RANBP2: variants seen among roughly 807,000 people sequenced by gnomAD.
The protein encoded by RANBP2 is E3 SUMO-protein ligase RanBP2.
A neutral mutation model predicts 303.6 loss-of-function variants in RANBP2; 57 were observed. The observed-to-expected ratio is 0.19, with a 90% CI of 0.15 to 0.23. The LOEUF (loss-of-function observed/expected upper bound fraction) is 0.23, where lower values mean the gene tolerates loss of function less well. Among genes scored for constraint, RANBP2 ranks in the 10% least tolerant of loss-of-function variants. The probability of loss-of-function intolerance (pLI) is 1.00; values close to 1 mark genes in which losing one functional copy is unlikely to be tolerated. For synonymous variants in RANBP2, 1,167 were observed against 1,301.5 expected, an observed-to-expected ratio of 0.90 and a Z score of 2.23; for missense variants, 3,138 against 3,780.8, an observed-to-expected ratio of 0.83 and a Z score of 4.46.
At chr2:108,927,974 C>T in the RANBP2 span, among the ~76,000 whole-genome samples, 1 of 152,090 alleles carries the variant, frequency 6.6e-6, no homozygotes, top group Non-Finnish European at 1.5e-5. Flanking sequence ...TCAGATTCTT[C>T]CTCTCCTCCA....
At chr2:108,997,274 T>A in the RANBP2 span, among the ~76,000 whole-genome samples, 24 of 151,834 alleles carry the variant, frequency 1.6e-4, no homozygotes, top group East Asian at 4.5e-3. Context: ...ACCCCGTCTC[T>A]ACTAAAAATA....
At chr2:109,011,339 G>C in the RANBP2 span, among the ~76,000 whole-genome samples, 1 of 152,088 alleles carries the variant, frequency 6.6e-6, no homozygotes, top group Non-Finnish European at 1.5e-5. Flanking sequence ...AGTTTGGATG[G>C]GCATAAAATT....
chr2:108,778,981 T>G (rs1260560373), intron 25 of RANBP2, among the ~76,000 whole-genome samples: 1 of 152,110 alleles, frequency 6.6e-6, no homozygotes, highest in African/African-American at 2.4e-5. Context: ...CCTGCCACCT[T>G]GGCCTTGCAC....
At chr2:108,722,850 C>T (rs1293312939) in intron 1 of RANBP2, among the ~76,000 whole-genome samples, 1 of 151,512 alleles carries the variant, frequency 6.6e-6, no homozygotes, top group African/African-American at 2.4e-5. Context: ...GAGATTGCAC[C>T]ACTGCACTCC....
the RANBP2 span, among the ~76,000 whole-genome samples, chr2:109,011,846 TAGTG>T: frequency 1.3e-5 from 2 of 152,052 alleles, no homozygotes; most frequent in East Asian, 1.9e-4. Flanking sequence ...TCCTTGAAAA[TAGTG>T]AGTGTGCATG....
the RANBP2 span, among the ~76,000 whole-genome samples, chr2:109,573,693 A>G: frequency 2.0e-4 from 30 of 152,368 alleles, no homozygotes; most frequent in Admixed American, 3.3e-4. Flanking sequence ...TTCATTTCGC[A>G]TACCATTTGA....
At chr2:109,552,217 G>A in the RANBP2 span, among the ~76,000 whole-genome samples, 1 of 152,200 alleles carries the variant, frequency 6.6e-6, no homozygotes, top group South Asian at 2.1e-4. Context: ...TGGAAAAACT[G>A]TCTTCCAGGA....
the RANBP2 span, among the ~76,000 whole-genome samples, chr2:109,529,694 G>A: frequency 2.5e-4 from 38 of 152,332 alleles, no homozygotes; most frequent in African/African-American, 9.1e-4. Context: ...GGGCGGCTGG[G>A]CAGGAAGGGA....
the RANBP2 span, among the ~76,000 whole-genome samples, chr2:109,652,086 T>C: frequency 6.6e-6 from 1 of 152,202 alleles, no homozygotes; most frequent in Non-Finnish European, 1.5e-5. Flanking sequence ...CGGTAGTGGG[T>C]TGCTTACATG....
chr2:109,137,629 A>G, the RANBP2 span, among the ~76,000 whole-genome samples: 1 of 152,234 alleles, frequency 6.6e-6, no homozygotes, highest in Non-Finnish European at 1.5e-5. Flanking sequence ...GGGTGACTGC[A>G]TTCCATTTGT....
the RANBP2 span, among the ~76,000 whole-genome samples, chr2:109,386,390 G>T: frequency 6.6e-6 from 1 of 152,144 alleles, no homozygotes; most frequent in East Asian, 1.9e-4. Context: ...AACACCAGGG[G>T]GCCGCTATGA....
At chr2:109,574,962 A>G in the RANBP2 span, among the ~76,000 whole-genome samples, 1 of 152,352 alleles carries the variant, frequency 6.6e-6, no homozygotes, top group Non-Finnish European at 1.5e-5. Context: ...TCAACTTACA[A>G]TGGGGTTATA....
Position 108,766,561 on chromosome 2 carries a change from A to G in RANBP2, c.6022A>G (p.Ser2008Gly), listed in dbSNP as rs1367537132. 1 of 1,611,898 alleles carries G rather than the reference A, an allele frequency of 6.2e-7. No homozygotes were observed. The highest frequency in any genetic ancestry group is 1.3e-5 in the African/African-American group (1 of 74,862). ...KDDDAYKTEDSDDIHFEPVVQ... is the reference protein window; with the variant it reads ...KDDDAYKTEDGDDIHFEPVVQ... ...TGATGATGCCTATAAGACTGAGGAC[A>G]GCGATGACATCCATTTTGAACCAGT... Residue 2008 changes from serine (S) to glycine (G), a missense_variant, in exon 20 of 29, where the codon AGC (serine) becomes GGC (glycine). Physicochemically the swap from Ser to Gly is moderately conservative, Grantham distance 56 (BLOSUM62 0). Transcript: ENST00000283195.
the RANBP2 span, among the ~76,000 whole-genome samples, chr2:109,216,444 G>A: frequency 6.6e-6 from 1 of 152,228 alleles, no homozygotes; most frequent in African/African-American, 2.4e-5. Context: ...GTCCAGGGGA[G>A]TTGGTCACTT....
At chr2:108,912,135 C>T in the RANBP2 span, among the ~76,000 whole-genome samples, 25 of 152,138 alleles carry the variant, frequency 1.6e-4, no homozygotes, top group East Asian at 2.1e-3. Context: ...GACCTGGGCC[C>T]GAAACATGCT....
At chr2:109,672,580 G>A in the RANBP2 span, among the ~76,000 whole-genome samples, 5 of 152,106 alleles carry the variant, frequency 3.3e-5, no homozygotes, top group Non-Finnish European at 5.9e-5. Context: ...CTAGTGTTAC[G>A]TATTATTACC....
the RANBP2 span, among the ~76,000 whole-genome samples, chr2:109,158,343 A>G: frequency 2.3e-3 from 348 of 152,294 alleles, 1 homozygote; most frequent in African/African-American, 7.8e-3. Flanking sequence ...CTCAACGCTT[A>G]GGTGTCCTCT....
chr2:109,397,637 T>C, the RANBP2 span, among the ~76,000 whole-genome samples: 1 of 152,150 alleles, frequency 6.6e-6, no homozygotes, highest in Non-Finnish European at 1.5e-5. Context: ...ACTGAGGCCC[T>C]GAGGACCAGC....
chr2:109,383,896 T>C, the RANBP2 span, among the ~76,000 whole-genome samples: 9 of 152,190 alleles, frequency 5.9e-5, no homozygotes, highest in Non-Finnish European at 1.0e-4. Flanking sequence ...CCTTCCACCC[T>C]ACCACCCCGC....
Sources: gnomAD v4.1 joint callset for allele counts (sites outside exome capture counted in the v4.1 genomes callset) on GRCh38, gnomAD v4.1.1 for gene constraint, MANE v1.5 for transcripts, NCBI Gene and HGNC (gene_info 2026-07-23, HGNC 2026-07-21) for gene names.